ZNF280B: variants seen among roughly 807,000 people sequenced by gnomAD.
ZNF280B encodes zinc finger protein 280B.
In ZNF280B, 16 loss-of-function variants were observed where a neutral mutation model predicts 38.0. That is an observed-to-expected ratio of 0.42 (90% CI 0.28 to 0.64). The LOEUF is 0.64. ZNF280B is among the 30% of genes least tolerant of loss of function. ZNF280B has a pLI of 0.21. For missense variants in ZNF280B, 581 were observed against 639.6 expected (o/e 0.91, Z 0.99); for synonymous variants, 253 against 230.6 (o/e 1.10, Z -0.88).
chr22:22,496,600 A>G (rs1343295833), intron 2 of ZNF280B, among the ~76,000 whole-genome samples: 1 of 151,880 alleles, frequency 6.6e-6, no homozygotes, highest in Non-Finnish European at 1.5e-5. Context: ...ATGGGCATTC[A>G]ATTCTAAGAT....
intron 2 of ZNF280B, among the ~76,000 whole-genome samples, chr22:22,499,301 G>A (rs2061768359): frequency 6.7e-6 from 1 of 149,598 alleles, no homozygotes; most frequent in African/African-American, 2.5e-5. Flanking sequence ...TTTCATTCTT[G>A]TTGCCCAGGC....
At chr22:22,491,905 C>G (rs1320245857) in intron 3 of ZNF280B, among the ~76,000 whole-genome samples, 1 of 151,936 alleles carries the variant, frequency 6.6e-6, no homozygotes, top group Non-Finnish European at 1.5e-5. Context: ...TCATAACTCA[C>G]CAATTTCTAA....
chr22:22,502,629 G>C (rs1399518339), intron 2 of ZNF280B, among the ~76,000 whole-genome samples: 1 of 151,876 alleles, frequency 6.6e-6, no homozygotes, highest in African/African-American at 2.4e-5. Context: ...ATACAATACG[G>C]TGTACCTTGA....
intron 2 of ZNF280B, among the ~76,000 whole-genome samples, chr22:22,505,188 TGAAAAGAGTGACAA>T (rs1441311221): frequency 1.3e-5 from 2 of 151,804 alleles, no homozygotes; most frequent in African/African-American, 4.8e-5. Context: ...GGTGGACCAA[TGAAAAGAGTGACAA>T]GTTAGAAATG....
intron 2 of ZNF280B, among the ~76,000 whole-genome samples, chr22:22,495,676 T>C (rs924042653): frequency 6.6e-6 from 1 of 151,972 alleles, no homozygotes; most frequent in Non-Finnish European, 1.5e-5. Context: ...GAAATAGTAG[T>C]AAGGATCTGT....
chr22:22,488,527 C>T lies in ZNF280B; in HGVS notation c.872G>A (p.Gly291Glu). 6.2e-7 allele frequency: 1 copy of T among 1,613,880 alleles called. No homozygotes were observed. Residue 291 changes from glycine (G) to glutamate (E), a missense_variant, in exon 4 of 4, where the codon GGA becomes GAA. Transcript: ENST00000626650. ...PIVLLSDFYYGQHKGEGQPEQ... is the reference protein window; with the variant it reads ...PIVLLSDFYYEQHKGEGQPEQ... ...CGGCTGCCCTTCTCCTTTATGCTGT[C>T]CATAGTAAAAGTCACTAAGTAACAC...
At chr22:22,504,642 A>G (rs1490162118) in intron 2 of ZNF280B, among the ~76,000 whole-genome samples, 1 of 152,006 alleles carries the variant, frequency 6.6e-6, no homozygotes, top group African/African-American at 2.4e-5. Flanking sequence ...GTAGCCAAAC[A>G]TACACATTTG....
In ZNF280B at chr22:22,488,788, G is replaced by A; in HGVS notation, c.611C>T (p.Pro204Leu). The change falls in exon 4 of 4, where the codon CCT (proline) becomes CTT (leucine). Residue 204 changes from proline to leucine, a missense_variant. Transcript: ENST00000626650. ...ATTCATTGTATGAAAGGTATCTGAAGGGAATGAAGCTGAAGAATTTCCTTC... is the reference window on the plus strand; with the variant it reads ...ATTCATTGTATGAAAGGTATCTGAAAGGAATGAAGCTGAAGAATTTCCTTC... ...IIEGNSSASF[P>L]SDTFHTMNTQ... 3 of 1,613,834 alleles carry A rather than the reference G, an allele frequency of 1.9e-6. No individual in the cohort carries two copies. Among genetic ancestry groups the A allele is most frequent in the East Asian group, 2.2e-5 (1 of 44,784 alleles).
rs773564774 is a variant in ZNF280B, at chr22:22,488,938, T to C, written c.461A>G (p.His154Arg). Residue 154 changes from histidine to arginine, a missense_variant, in exon 4 of 4, where the codon CAT (histidine) becomes CGT (arginine). His to Arg is a conservative substitution (Grantham distance 29). Coordinates refer to ENST00000626650, the MANE Select transcript of ZNF280B (RefSeq NM_080764.4). ...TACTGAAAGTGCTGTACTTACTGGA[T>C]GATGCAATGAATCTGTGAATGTAAT... ...PLITFTDSLH[H>R]PVSTALSVGG... 3 of 1,613,852 alleles carry C rather than the reference T, an allele frequency of 1.9e-6. No homozygotes were observed. Among genetic ancestry groups the C allele is most frequent in the East Asian group, 2.2e-5 (1 of 44,788 alleles).
rs200325468 is a variant in ZNF280B, at chr22:22,488,352, G to A, written c.1047C>T (p.His349=). The A allele has an allele frequency of 6.8e-6, 11 of 1,613,904 alleles. No individual in the cohort carries two copies. The highest frequency in any genetic ancestry group is 9.3e-6 in the Non-Finnish European group (11 of 1,179,982). Residue 349 remains histidine, a synonymous_variant, in exon 4 of 4, where the codon CAC becomes CAT. Transcript: ENST00000626650. ...GCTGGAAGGGAGTGGGAAACTGCCG[G>A]TGGCAGTGCTGGCAGGTGGTGTGGT... ...WENHTTCQHC[H]RQFPTPFQLQ... is the part of the protein sequence containing the mutation.
intron 3 of ZNF280B, among the ~76,000 whole-genome samples, chr22:22,490,097 T>C (rs1259211868): frequency 1.3e-5 from 2 of 151,962 alleles, no homozygotes; most frequent in African/African-American, 4.8e-5. Context: ...ACAAACAGCA[T>C]AGCACAATGT....
chr22:22,506,524 G>A (rs886869610), intron 2 of ZNF280B, among the ~76,000 whole-genome samples: 5 of 151,776 alleles, frequency 3.3e-5, no homozygotes, highest in Non-Finnish European at 5.9e-5. Flanking sequence ...AAGGAAGAAC[G>A]AGAACAGGAG....
chr22:22,485,871 C>T lies in ZNF280B; in HGVS notation c.*1896G>A, dbSNP rs2061495123. The T allele has an allele frequency of 6.6e-6, 1 of 151,972 alleles. No individual in the cohort carries two copies. Among genetic ancestry groups the T allele is most frequent in the African/African-American group, 2.4e-5 (1 of 41,338 alleles). The allele number at this position is 151,972 out of a possible 1,614,324, so 9.4% of individuals were successfully genotyped here. The stretch of plus-strand genomic sequence containing the variant: ...GGGGTGGAGGAACAAAGGATGGCAC[C>T]AGAACACAAGCAGGGAGACAACTCC... On this transcript the variant is annotated 3_prime_UTR_variant, in exon 4 of 4. Coordinates refer to ENST00000626650, the MANE Select transcript of ZNF280B (RefSeq NM_080764.4).
chr22:22,504,378 G>C (rs2061889905), intron 2 of ZNF280B, among the ~76,000 whole-genome samples: 1 of 147,236 alleles, frequency 6.8e-6, no homozygotes. Context: ...AGTGAGCTGA[G>C]ATTGTGCCAC....
chr22:22,489,183 T>C lies in ZNF280B; in HGVS notation c.216A>G (p.Arg72=). Residue 72 remains arginine, a synonymous_variant, in exon 4 of 4, where the codon AGA becomes AGG. Transcript: ENST00000626650. ...CTTTTCTAAGGTGATCATACTTTTT[T>C]CTCCTTGACCATGAACCCGGGGTGA... ...NRVTPGSWSR[R]KKYDHLRKDT... 1 of 1,613,794 alleles carries C rather than the reference T, an allele frequency of 6.2e-7. No individual in the cohort carries two copies. Among genetic ancestry groups the C allele is most frequent in the Non-Finnish European group, 8.5e-7 (1 of 1,179,954 alleles).
intron 3 of ZNF280B, among the ~76,000 whole-genome samples, chr22:22,492,059 T>C (rs1000208161): frequency 1.3e-4 from 19 of 151,978 alleles, no homozygotes; most frequent in African/African-American, 4.6e-4. Context: ...TTTTGGAACA[T>C]ATAGACAATA....
intron 2 of ZNF280B, among the ~76,000 whole-genome samples, chr22:22,504,729 G>C (rs1300123459): frequency 2.0e-5 from 3 of 151,978 alleles, no homozygotes; most frequent in East Asian, 2.0e-4. Context: ...ACATATCCCA[G>C]TCCACAAAAA....
At chr22:22,506,410 A>G (rs1345118323) in intron 2 of ZNF280B, among the ~76,000 whole-genome samples, 1 of 151,928 alleles carries the variant, frequency 6.6e-6, no homozygotes, top group East Asian at 2.0e-4. Flanking sequence ...AGGAACTGTA[A>G]TATATGCTGC....
At chr22:22,500,475 A>G (rs1394229095) in intron 2 of ZNF280B, among the ~76,000 whole-genome samples, 1 of 151,966 alleles carries the variant, frequency 6.6e-6, no homozygotes, top group African/African-American at 2.4e-5. Context: ...ATGCCAAATA[A>G]AATAAACCAG....
Sources: allele counts gnomAD v4.1 joint callset (sites outside exome capture counted in the v4.1 genomes callset), GRCh38; gene constraint gnomAD v4.1.1; transcripts MANE v1.5; gene names NCBI Gene and HGNC (gene_info 2026-07-23, HGNC 2026-07-21).